SPTBN1: variants seen among roughly 807,000 people sequenced by gnomAD.
SPTBN1 encodes the protein spectrin beta chain, non-erythrocytic 1.
Under a neutral mutation model 266.4 loss-of-function variants are expected in SPTBN1, and 32 were observed. That is an observed-to-expected ratio of 0.12 (90% CI 0.09 to 0.16). The LOEUF is 0.16. Among genes scored for constraint, SPTBN1 ranks in the 10% least tolerant of loss-of-function variants. SPTBN1 has a pLI of 1.00. For missense variants in SPTBN1, 2,296 were observed against 3,067.1 expected, an observed-to-expected ratio of 0.75 and a Z score of 5.94; for synonymous variants, 1,336 against 1,162.2, an observed-to-expected ratio of 1.15 and a Z score of -3.04.
Position 54,628,963 on chromosome 2 carries a change from G to T in SPTBN1, c.1829G>T (p.Arg610Leu), listed in dbSNP as rs369315226. The T allele has an allele frequency of 1.2e-6, 2 of 1,610,174 alleles. No homozygotes were observed. Among genetic ancestry groups the T allele is most frequent in the Non-Finnish European group, 1.7e-6 (2 of 1,177,970 alleles). ...GYKPCDPQVI[R>L]DRVAHMEFCY... ...AAGCCCTGTGACCCCCAGGTGATCC[G>T]AGACCGCGTGGCCCACATGGAGTTC... is the stretch of plus-strand genomic sequence containing the variant. The change falls in exon 14 of 36, where the codon CGA becomes CTA. Residue 610 changes from arginine to leucine, a missense_variant. Arg to Leu is a moderately radical substitution (Grantham distance 102, BLOSUM62 -2). This residue lies in a region of SPTBN1 where 434 missense variants were observed against 573.9 expected (regional missense o/e 0.76). Transcript: ENST00000356805. This position sits in a 1 kb window ranked among gnomAD's most constrained non-coding sequence, Gnocchi z 4.3.
intron 2 of SPTBN1, among the ~76,000 whole-genome samples, chr2:54,582,318 CTG>C (rs1674978157): frequency 1.3e-5 from 2 of 151,404 alleles, no homozygotes; most frequent in Admixed American, 1.3e-4. Flanking sequence ...CTGGTGGTGC[CTG>C]AGAGCAGGGA....
At chr2:54,503,400 C>A (rs1027200319) in intron 1 of SPTBN1, among the ~76,000 whole-genome samples, 6 of 152,176 alleles carry the variant, frequency 3.9e-5, no homozygotes, top group African/African-American at 1.4e-4. Flanking sequence ...ACAGTGCCCC[C>A]TACCTGTCTG....
intron 2 of SPTBN1, among the ~76,000 whole-genome samples, chr2:54,584,839 C>T (rs1233226794): frequency 6.6e-6 from 1 of 152,216 alleles, no homozygotes; most frequent in Non-Finnish European, 1.5e-5. Context: ...CCTCCTTACA[C>T]CCAAACTGAC....
chr2:54,652,010 C>CG (rs1680328275), intron 26 of SPTBN1, among the ~76,000 whole-genome samples: 2 of 152,166 alleles, frequency 1.3e-5, no homozygotes. Context: ...CGTACCCCCC[C>CG]GCCTTTTACC....
chr2:54,495,173 G>A (rs893639380), intron 1 of SPTBN1, among the ~76,000 whole-genome samples: 1 of 152,128 alleles, frequency 6.6e-6, no homozygotes, highest in Non-Finnish European at 1.5e-5. Context: ...GAGGTTGCAG[G>A]TGTGTGGCAG....
chr2:54,622,256 T>C (rs372226396), intron 8 of SPTBN1, 44 bp from the exon 9 acceptor site: 53 of 1,595,250 alleles, frequency 3.3e-5, no homozygotes, highest in South Asian at 4.5e-5. Context: ...ATTTAACTTA[T>C]GGAGTGACAT....
At chr2:54,647,368 G>A in intron 24 of SPTBN1, 107 bp downstream of exon 24, 1 of 1,468,082 alleles carries the variant, frequency 6.8e-7, no homozygotes, top group Non-Finnish European at 9.2e-7. Flanking sequence ...ATGACTTGCT[G>A]GTAAGGCAAA....
intron 1 of SPTBN1, among the ~76,000 whole-genome samples, chr2:54,466,418 CG>C (rs1693634354): frequency 3.8e-5 from 1 of 26,264 alleles, no homozygotes; most frequent in Non-Finnish European, 5.9e-5. Context: ...AAAAATTAGC[CG>C]GGCGTGGTAG....
At chr2:54,472,022 G>GTTTGT (rs1693949855) in intron 1 of SPTBN1, among the ~76,000 whole-genome samples, 3 of 66,804 alleles carry the variant, frequency 4.5e-5, no homozygotes, top group East Asian at 5.1e-4. Context: ...CCCTGAAGAT[G>GTTTGT]TTTTTTTTTT....
At chr2:54,576,055 CTT>C (rs71408771) in intron 2 of SPTBN1, among the ~76,000 whole-genome samples, 9 of 18,714 alleles carry the variant, frequency 4.8e-4, no homozygotes, top group Admixed American at 1.1e-3. Context: ...TCAGATCCAG[CTT>C]TTTTTTTTTT....
rs1671432728 is a variant in SPTBN1 at position 54,533,917 on chromosome 2, C to CAT, written c.148+7352_148+7353insTA. Among the ~76,000 whole-genome samples, 2 of 150,840 alleles carry CAT rather than the reference C, an allele frequency of 1.3e-5. No individual in the cohort carries two copies. Among genetic ancestry groups the CAT allele is most frequent in the African/African-American group, 2.4e-5 (1 of 41,346 alleles). ...TCTCTCTCTCACACACACACACACACACACACACACGCACGCACGCACACA... is the reference window on the plus strand; with the variant it reads ...TCTCTCTCTCACACACACACACACACATACACACACACGCACGCACGCACACA... On this transcript the variant is annotated intron_variant, in intron 2 of 35. Coordinates refer to ENST00000356805, the MANE Select transcript of SPTBN1 (RefSeq NM_003128.3). The surrounding 1 kb of genome is among the most constrained non-coding windows in gnomAD (Gnocchi z 4.2).
At chr2:54,550,993 C>G (rs769063105) in intron 2 of SPTBN1, among the ~76,000 whole-genome samples, 4 of 152,208 alleles carry the variant, frequency 2.6e-5, no homozygotes, top group Admixed American at 6.5e-5. Context: ...GCCTGCCCTA[C>G]CTGCCCTTTT....
intron 1 of SPTBN1, among the ~76,000 whole-genome samples, chr2:54,485,559 C>T (rs549538881): frequency 3.7e-4 from 57 of 152,096 alleles, no homozygotes; most frequent in African/African-American, 1.3e-3. Flanking sequence ...ACCTCCCAGC[C>T]GCCTGCCTTG....
At chr2:54,578,186 A>G (rs1674617865) in intron 2 of SPTBN1, among the ~76,000 whole-genome samples, 3 of 152,220 alleles carry the variant, frequency 2.0e-5, no homozygotes, top group South Asian at 4.1e-4. Flanking sequence ...CTTGGATTTA[A>G]AAGTACAGTG....
rs1679946320 is a variant in SPTBN1 at position 54,646,670 on chromosome 2, C to A, written c.4866+195C>A. On this transcript the variant is annotated intron_variant, in intron 23 of 35. Transcript: ENST00000356805. The surrounding 1 kb of genome is among the most constrained non-coding windows in gnomAD (Gnocchi z 4.4). ...TGGTGCAGCATTTTCTTATCTGAAT[C>A]CTAGTGTGCCATTAAGAACAGGTTC... 6.6e-6 allele frequency among the ~76,000 whole-genome samples: 1 copy of A among 152,210 alleles called. No homozygotes were observed. The highest frequency in any genetic ancestry group is 2.1e-4 in the South Asian group (1 of 4,830).
intron 1 of SPTBN1, among the ~76,000 whole-genome samples, chr2:54,460,440 G>A (rs1253374751): frequency 1.3e-5 from 2 of 152,000 alleles, no homozygotes; most frequent in East Asian, 3.9e-4. Flanking sequence ...AGTGTTTTAG[G>A]TTGTTTTGTA....
chr2:54,630,390 G>A (rs1180035537), intron 15 of SPTBN1, among the ~76,000 whole-genome samples: 1 of 152,148 alleles, frequency 6.6e-6, no homozygotes, highest in Non-Finnish European at 1.5e-5. Context: ...CACTTAATTT[G>A]CCAATGAAAG....
At chr2:54,634,561 T>C (rs1360385300) in intron 17 of SPTBN1, among the ~76,000 whole-genome samples, 1 of 152,242 alleles carries the variant, frequency 6.6e-6, no homozygotes, top group Non-Finnish European at 1.5e-5. Context: ...TTCACTTTAA[T>C]ATCCCCAGAG....
intron 32 of SPTBN1, chr2:54,662,445 C>T (rs532485429): frequency 9.0e-6 from 4 of 443,696 alleles, no homozygotes; most frequent in East Asian, 1.5e-4. Context: ...AGAGGCTTCC[C>T]TGGCCTTCAT....
Sources: gnomAD v4.1 joint callset for allele counts (sites outside exome capture counted in the v4.1 genomes callset) on GRCh38, gnomAD v4.1.1 for gene constraint, gnomAD v4.1.1 regional missense constraint, Gnocchi (gnomAD v3.1) non-coding constraint, MANE v1.5 for transcripts, NCBI Gene and HGNC (gene_info 2026-07-23, HGNC 2026-07-21) for gene names.